The following ROS1 variants were observed in gnomAD, a reference collection of about 807,000 sequenced individuals.
ROS1 encodes the protein ROS proto-oncogene 1, receptor tyrosine kinase, also known as proto-oncogene tyrosine-protein kinase ROS.
A neutral mutation model predicts 273.5 loss-of-function variants in ROS1; 263 were observed. The ratio of observed to expected loss-of-function variants is 0.96; its 90% CI spans 0.87 to 1.06. ROS1 has a LOEUF of 1.06. Ranked by LOEUF, ROS1 falls within the 50% of genes least tolerant of loss-of-function variation. ROS1 has a pLI of 0.00. For missense variants in ROS1, 2,833 were observed against 2,751.1 expected, an observed-to-expected ratio of 1.03 and a Z score of -0.67; for synonymous variants, 1,008 against 954.1, an observed-to-expected ratio of 1.06 and a Z score of -1.04.
intron 9 of ROS1, among the ~76,000 whole-genome samples, chr6:117,394,967 C>A (rs180750068): frequency 1.7e-4 from 26 of 152,134 alleles, no homozygotes; most frequent in African/African-American, 5.3e-4. Flanking sequence ...GTTCATATGC[C>A]CCTAAATAAC....
chr6:117,407,896 C>G (rs1457510976), intron 5 of ROS1, among the ~76,000 whole-genome samples: 1 of 152,138 alleles, frequency 6.6e-6, no homozygotes, highest in Non-Finnish European at 1.5e-5. Context: ...ACAGAGCCCT[C>G]AGAAATAATG....
intron 1 of ROS1, among the ~76,000 whole-genome samples, chr6:117,424,810 A>G (rs1776019210): frequency 6.6e-6 from 1 of 152,196 alleles, no homozygotes; most frequent in Non-Finnish European, 1.5e-5. Flanking sequence ...AAGTATGGCT[A>G]TAGATAGGGT....
chr6:117,339,340 T>TGTGCTCTAG (rs769897634), intron 31 of ROS1, among the ~76,000 whole-genome samples: 2 of 152,184 alleles, frequency 1.3e-5, no homozygotes, highest in African/African-American at 2.4e-5. Context: ...AACTTCATCT[T>TGTGCTCTAG]GTGCTCTAGT....
chr6:117,309,997 A>G, intron 41 of ROS1, 84 bp downstream of exon 41: 1 of 1,248,904 alleles, frequency 8.0e-7, no homozygotes, highest in Non-Finnish European at 1.1e-6. Context: ...CTCACATTAA[A>G]AAAGCAAGAT....
chr6:117,372,440 T>C (rs985982760), intron 18 of ROS1, among the ~76,000 whole-genome samples: 1 of 152,218 alleles, frequency 6.6e-6, no homozygotes, highest in Non-Finnish European at 1.5e-5. Context: ...AATAGCACTG[T>C]TTCCGGAACT....
At chr6:117,408,729 A>G (rs1774638826) in intron 5 of ROS1, among the ~76,000 whole-genome samples, 1 of 152,224 alleles carries the variant, frequency 6.6e-6, no homozygotes, top group Non-Finnish European at 1.5e-5. Flanking sequence ...TACCCAAAGG[A>G]TTATAAATCA....
intron 18 of ROS1, among the ~76,000 whole-genome samples, chr6:117,371,598 GA>G (rs1780775548): frequency 6.6e-6 from 1 of 152,134 alleles, no homozygotes; most frequent in Admixed American, 6.5e-5. Flanking sequence ...GGCAAATAGG[GA>G]GTGCAGATAT....
intron 22 of ROS1, among the ~76,000 whole-genome samples, chr6:117,360,997 G>A (rs1222473840): frequency 6.6e-6 from 1 of 152,068 alleles, no homozygotes; most frequent in Non-Finnish European, 1.5e-5. Flanking sequence ...AAATGATTGT[G>A]CATTTCAAAC....
chr6:117,416,238 G>C lies in ROS1; in HGVS notation c.228+20C>G. On this transcript the variant is annotated intron_variant, in intron 3 of 43. Transcript: ENST00000368507. ...TGAAAGAAACATCAGTATCAAAATA[G>C]AAATCTAATTAATACTTACACACTT... The C allele has an allele frequency of 7.1e-7, 1 of 1,416,840 alleles. No individual in the cohort carries two copies. The highest frequency in any genetic ancestry group is 1.0e-6 in the Non-Finnish European group (1 of 1,001,798). 87.8% of individuals were successfully genotyped at this position (1,416,840 alleles called of 1,614,324 possible). A position where few individuals can be genotyped will look rare whatever the true frequency, so the allele number is the denominator to read the frequency against.
intron 1 of ROS1, among the ~76,000 whole-genome samples, chr6:117,423,135 T>C (rs1775881979): frequency 6.6e-6 from 1 of 152,034 alleles, no homozygotes; most frequent in South Asian, 2.1e-4. Flanking sequence ...ATAAAAATGA[T>C]ACAATGGGCT....
At chr6:117,333,563 G>C (rs1777252861) in intron 32 of ROS1, among the ~76,000 whole-genome samples, 1 of 152,128 alleles carries the variant, frequency 6.6e-6, no homozygotes, top group African/African-American at 2.4e-5. Context: ...CAATATACCT[G>C]ATGAACATTG....
chr6:117,366,084 G>T lies in ROS1; in HGVS notation c.2789C>A (p.Pro930His), dbSNP rs781566302. The T allele has an allele frequency of 6.2e-7, 1 of 1,612,750 alleles. No individual in the cohort carries two copies. The highest frequency in any genetic ancestry group is 1.1e-5 in the South Asian group (1 of 91,054). The change falls in exon 19 of 44, where the codon CCC becomes CAC. Residue 930 changes from proline to histidine, a missense_variant. Coordinates refer to ENST00000368507, the MANE Select transcript of ROS1 (RefSeq NM_001378902.1). ...GGAATGAAATACTGTACCTGGCAGG[G>T]GCTTAAGGGATGTCTGAATAATTGT... ...QFTIIQTSLK[P>H]LPGNFSFTPK... is the part of the protein sequence containing the mutation.
intron 18 of ROS1, among the ~76,000 whole-genome samples, chr6:117,370,902 G>A (rs1386272284): frequency 1.3e-5 from 2 of 152,180 alleles, no homozygotes; most frequent in African/African-American, 4.8e-5. Context: ...TGTCAAGACA[G>A]TAGACTTAAA....
At chr6:117,393,159 C>T in intron 12 of ROS1, 65 bp downstream of exon 12, 1 of 945,514 alleles carries the variant, frequency 1.1e-6, no homozygotes, top group Non-Finnish European at 1.7e-6. Context: ...CATTAGCAAG[C>T]AAGTTTCTCA....
rs142882992 is a variant in ROS1, at chr6:117,356,807, T to C, written c.3948A>G (p.Gln1316=). The change falls in exon 26 of 44, where the codon CAA becomes CAG. Residue 1316 remains glutamine, a synonymous_variant. Transcript: ENST00000368507. The part of the protein sequence containing the change: ...RILQPTATNQ[Q]NKRNQCSCNV... ...TACAAGAACATTGATTCCTTTTGTTTTGTTGGTTTGTAGCTGTGGGTTGCA... is the reference window on the plus strand; with the variant it reads ...TACAAGAACATTGATTCCTTTTGTTCTGTTGGTTTGTAGCTGTGGGTTGCA... 6.2e-7 allele frequency: 1 copy of C among 1,614,168 alleles called. No homozygotes were observed. Among genetic ancestry groups the C allele is most frequent in the African/African-American group, 1.3e-5 (1 of 75,042 alleles).
In ROS1 at chr6:117,414,531, G is replaced by A; in HGVS notation, c.243C>T (p.Ala81=). ...ATTGCCAACTCACCTCACAAACGGT[G>A]GCATAAGTATCATTCTGCATAGAAA... is the stretch of plus-strand genomic sequence containing the variant. ...NCALKCNDTY[A]TVCERESCEV... The change falls in exon 4 of 44, where the codon GCC becomes GCT. Residue 81 remains alanine, a synonymous_variant. Transcript: ENST00000368507. 2 of 732,212 alleles carry A rather than the reference G, an allele frequency of 2.7e-6. No homozygotes were observed. The highest frequency in any genetic ancestry group is 2.5e-5 in the East Asian group (1 of 39,536). 45.4% of individuals were successfully genotyped at this position (732,212 alleles called of 1,614,324 possible).
intron 18 of ROS1, among the ~76,000 whole-genome samples, chr6:117,370,186 A>C (rs1417874906): frequency 6.6e-6 from 1 of 152,144 alleles, no homozygotes; most frequent in Admixed American, 6.5e-5. Context: ...TATTGTCAGC[A>C]TTGTCTTCAT....
intron 27 of ROS1, among the ~76,000 whole-genome samples, chr6:117,349,352 C>T (rs1307580279): frequency 2.6e-5 from 4 of 151,946 alleles, no homozygotes; most frequent in Non-Finnish European, 5.9e-5. Flanking sequence ...TATAACTTTC[C>T]TTGCTCTGAA....
chr6:117,376,965 G>GCAAAT (rs1394032219), intron 18 of ROS1, among the ~76,000 whole-genome samples: 2 of 152,160 alleles, frequency 1.3e-5, no homozygotes, highest in Admixed American at 6.5e-5. Context: ...GCAAAGCAAA[G>GCAAAT]TAGAAGGACT....
Sources: allele counts gnomAD v4.1 joint callset (sites outside exome capture counted in the v4.1 genomes callset), GRCh38; gene constraint gnomAD v4.1.1; transcripts MANE v1.5; gene names NCBI Gene and HGNC (gene_info 2026-07-23, HGNC 2026-07-21).